Variants in GLCE observed in about 807,000 individuals in gnomAD.
GLCE encodes D-glucuronyl C5-epimerase.
Under a neutral mutation model 47.9 loss-of-function variants are expected in GLCE, and 19 were observed. The observed-to-expected ratio is 0.40, with a 90% CI of 0.28 to 0.58. The LOEUF is 0.58. GLCE is among the 20% of genes least tolerant of loss of function. The pLI is 0.48. For missense variants in GLCE, 556 were observed against 743.3 expected (o/e 0.75, Z 2.93); for synonymous variants, 245 against 263.4 (o/e 0.93, Z 0.68).
chr15:69,190,851 CTCTTT>C (rs1399167670), intron 1 of GLCE, among the ~76,000 whole-genome samples: 2 of 152,108 alleles, frequency 1.3e-5, no homozygotes, highest in South Asian at 4.1e-4. Flanking sequence ...GCATTTTTCT[CTCTTT>C]TCTTGGCATT....
At chr15:69,241,377 A>G (rs2052669289) in intron 2 of GLCE, among the ~76,000 whole-genome samples, 1 of 152,208 alleles carries the variant, frequency 6.6e-6, no homozygotes, top group South Asian at 2.1e-4. Flanking sequence ...TTCAAAACAT[A>G]CTGTAGCTGA....
At chr15:69,187,622 A>G (rs750130787) in intron 1 of GLCE, among the ~76,000 whole-genome samples, 40 of 152,256 alleles carry the variant, frequency 2.6e-4, no homozygotes, top group Admixed American at 5.9e-4. Flanking sequence ...GAAGAAAAAC[A>G]TTAACATGAA....
At chr15:69,193,587 A>G (rs1349439272) in intron 1 of GLCE, among the ~76,000 whole-genome samples, 2 of 152,060 alleles carry the variant, frequency 1.3e-5, no homozygotes, top group Non-Finnish European at 2.9e-5. Context: ...TTGTATTCAC[A>G]AAAAATCTCC....
chr15:69,205,149 T>C (rs2052132583), intron 1 of GLCE, among the ~76,000 whole-genome samples: 1 of 152,038 alleles, frequency 6.6e-6, no homozygotes, highest in South Asian at 2.1e-4. Context: ...GTTATCCCTG[T>C]GTAGTTGTGC....
chr15:69,261,790 TATTGG>T, intron 4 of GLCE, among the ~76,000 whole-genome samples: 1 of 152,244 alleles, frequency 6.6e-6, no homozygotes. Context: ...CTGTTTCCCA[TATTGG>T]ATTTTGTTAA....
At chr15:69,261,850 TA>T (rs758641959) in intron 4 of GLCE, among the ~76,000 whole-genome samples, 4 of 152,234 alleles carry the variant, frequency 2.6e-5, no homozygotes, top group Non-Finnish European at 4.4e-5. Flanking sequence ...TTTTCATTAA[TA>T]AAATAATTAA....
chr15:69,237,656 A>C (rs1224839127), intron 2 of GLCE, among the ~76,000 whole-genome samples: 2 of 152,146 alleles, frequency 1.3e-5, no homozygotes, highest in East Asian at 1.9e-4. Flanking sequence ...TTTCTTCTGC[A>C]TAGCTAATAC....
chr15:69,212,444 A>G (rs1008003119), intron 2 of GLCE, among the ~76,000 whole-genome samples: 1 of 152,032 alleles, frequency 6.6e-6, no homozygotes, highest in African/African-American at 2.4e-5. Context: ...CTAACAGCAT[A>G]AAATATTTCA....
At chr15:69,214,640 T>TA (rs2052279997) in intron 2 of GLCE, among the ~76,000 whole-genome samples, 1 of 152,178 alleles carries the variant, frequency 6.6e-6, no homozygotes, top group Non-Finnish European at 1.5e-5. Flanking sequence ...CATCTATATT[T>TA]ATTTGTGTTT....
chr15:69,222,020 A>G (rs1001006431), intron 2 of GLCE, among the ~76,000 whole-genome samples: 9 of 152,088 alleles, frequency 5.9e-5, no homozygotes, highest in Admixed American at 5.2e-4. Context: ...TATTGCCTCA[A>G]GAGTTTGCCT....
intron 2 of GLCE, among the ~76,000 whole-genome samples, chr15:69,254,587 C>A (rs554597223): frequency 4.5e-4 from 68 of 152,154 alleles, no homozygotes; most frequent in African/African-American, 1.5e-3. Context: ...AGGTCAGATT[C>A]TGGGTATAAT....
chr15:69,231,187 T>C (rs575442880), intron 2 of GLCE, among the ~76,000 whole-genome samples: 2 of 152,338 alleles, frequency 1.3e-5, no homozygotes, highest in African/African-American at 4.8e-5. Context: ...ACAGATTTTA[T>C]TATACTTTAG....
At chr15:69,183,841 G>T (rs747957666) in intron 1 of GLCE, among the ~76,000 whole-genome samples, 7 of 152,174 alleles carry the variant, frequency 4.6e-5, no homozygotes, top group African/African-American at 9.7e-5. Context: ...AGGCCCTGTG[G>T]TATGAGGAGT....
At chr15:69,229,561 T>A (rs142420303) in intron 2 of GLCE, among the ~76,000 whole-genome samples, 1 of 152,318 alleles carries the variant, frequency 6.6e-6, no homozygotes, top group East Asian at 1.9e-4. Context: ...AACTTTTTTC[T>A]TAAAGATAAT....
intron 1 of GLCE, among the ~76,000 whole-genome samples, chr15:69,206,459 G>A (rs553592157): frequency 2.1e-4 from 32 of 151,930 alleles, no homozygotes; most frequent in Non-Finnish European, 4.3e-4. Flanking sequence ...TATGGATAGG[G>A]TATATCTATA....
chr15:69,197,047 C>G lies in GLCE; in HGVS notation c.-104-13269C>G, dbSNP rs114564737. ...ACAGCTTTCTGAGTTCCAGCAAAACCATTACATCTGAGAAGTATGCTCAAC... is the reference window on the plus strand; with the variant it reads ...ACAGCTTTCTGAGTTCCAGCAAAACGATTACATCTGAGAAGTATGCTCAAC... On this transcript the variant is annotated intron_variant, in intron 1 of 4. Transcript: ENST00000261858. 3.5e-3 allele frequency: 1,135 copies of G among 326,322 alleles called. 11 individuals are homozygous for G. Among genetic ancestry groups the G allele is most frequent in the African/African-American group, 0.022 (1,009 of 46,732 alleles). 20.2% of individuals were successfully genotyped at this position (326,322 alleles called of 1,614,324 possible).
intron 2 of GLCE, among the ~76,000 whole-genome samples, chr15:69,254,019 A>G (rs1449859271): frequency 6.6e-6 from 1 of 152,240 alleles, no homozygotes; most frequent in East Asian, 1.9e-4. Flanking sequence ...AAAGAAATGA[A>G]TGAATTACAC....
At chr15:69,209,296 T>C (rs895972027) in intron 1 of GLCE, among the ~76,000 whole-genome samples, 1 of 152,104 alleles carries the variant, frequency 6.6e-6, no homozygotes, top group Non-Finnish European at 1.5e-5. Flanking sequence ...TTGAGTTTTT[T>C]TGATTCCTTG....
At chr15:69,241,005 A>G (rs2052663806) in intron 2 of GLCE, among the ~76,000 whole-genome samples, 1 of 152,224 alleles carries the variant, frequency 6.6e-6, no homozygotes. Context: ...TAATGAAAAC[A>G]GCCTAACAAC....
Sources: allele counts gnomAD v4.1 joint callset (sites outside exome capture counted in the v4.1 genomes callset), GRCh38; gene constraint gnomAD v4.1.1; transcripts MANE v1.5; gene names NCBI Gene and HGNC (gene_info 2026-07-23, HGNC 2026-07-21).